Variants in AP2A2 observed in about 807,000 individuals in gnomAD.
The protein encoded by AP2A2 is AP-2 complex subunit alpha-2.
In AP2A2, 32 loss-of-function variants were observed where a neutral mutation model predicts 104.2. The observed-to-expected ratio is 0.31, with a 90% confidence interval of 0.23 to 0.41. The LOEUF is 0.41. Ranked by LOEUF, AP2A2 falls within the 10% of genes least tolerant of loss-of-function variation. The probability of loss-of-function intolerance (pLI) is 1.00; values close to 1 mark genes in which losing one functional copy is unlikely to be tolerated. For synonymous variants in AP2A2, 539 were observed against 533.3 expected (o/e 1.01, Z -0.15); for missense variants, 912 against 1,261.0 (o/e 0.72, Z 4.19).
At chr11:945,576 G>T (rs150112591) in intron 1 of AP2A2, among the ~76,000 whole-genome samples, 2 of 152,018 alleles carry the variant, frequency 1.3e-5, no homozygotes, top group Admixed American at 6.6e-5. Context: ...CAGGTGATCC[G>T]CCCGCCTCGG....
intron 5 of AP2A2, among the ~76,000 whole-genome samples, chr11:977,889 G>T (rs1855104353): frequency 6.6e-6 from 1 of 152,140 alleles, no homozygotes; most frequent in Non-Finnish European, 1.5e-5. Context: ...CGTTCACAAG[G>T]ATCCAGGATA....
At chr11:950,949 G>C (rs1454101802) in intron 1 of AP2A2, among the ~76,000 whole-genome samples, 1 of 151,838 alleles carries the variant, frequency 6.6e-6, no homozygotes, top group Non-Finnish European at 1.5e-5. Flanking sequence ...AAAATTAACT[G>C]GGTGTGGTGG....
At chr11:976,822 G>A (rs1461633726) in intron 4 of AP2A2, among the ~76,000 whole-genome samples, 2 of 152,246 alleles carry the variant, frequency 1.3e-5, no homozygotes, top group Admixed American at 1.3e-4. Context: ...GAAAGCTATT[G>A]TTCAAACAAC....
chr11:999,803 C>CTTTTTTTT (rs71022992), intron 14 of AP2A2, among the ~76,000 whole-genome samples: 2 of 124,698 alleles, frequency 1.6e-5, no homozygotes, highest in Non-Finnish European at 3.4e-5. Context: ...TTAGTTCTTT[C>CTTTTTTTT]TTTTTTTTTT....
chr11:973,959 G>A (rs1854923375), intron 4 of AP2A2, among the ~76,000 whole-genome samples: 1 of 152,240 alleles, frequency 6.6e-6, no homozygotes, highest in African/African-American at 2.4e-5. Flanking sequence ...GCAAGACAGG[G>A]CCACCCCTGA....
intron 15 of AP2A2, among the ~76,000 whole-genome samples, chr11:1,002,219 G>A (rs142389748): frequency 6.6e-6 from 1 of 152,252 alleles, no homozygotes; most frequent in Admixed American, 6.5e-5. Context: ...CACACCCTGA[G>A]TGTAAACTCC....
At chr11:963,899 T>C (rs1854526752) in intron 2 of AP2A2, among the ~76,000 whole-genome samples, 1 of 152,212 alleles carries the variant, frequency 6.6e-6, no homozygotes, top group Non-Finnish European at 1.5e-5. Context: ...GTGCTGGGAT[T>C]ATAGGCATGA....
rs117612040 is a variant in AP2A2 at position 972,118 on chromosome 11, C to A, written c.336C>A (p.Ile112=). The A allele has an allele frequency of 2.9e-3, 4,636 of 1,613,770 alleles. 208 individuals carry two copies. The East Asian group carries it at 0.088, about 31-fold the overall frequency. The change falls in exon 4 of 22, where the codon ATC becomes ATA. Residue 112 remains isoleucine (I), a synonymous_variant. Transcript: ENST00000448903. Reference sequence around the variant, plus strand: ...CAAACAGTGAGCTGATCCGCCTGATCAACAACGCCATCAAGAATGACCTGG... The same window carrying A: ...CAAACAGTGAGCTGATCCGCCTGATAAACAACGCCATCAAGAATGACCTGG... ...VNSNSELIRL[I]NNAIKNDLAS... is the part of the protein sequence containing the mutation.
rs555499390 is a variant in AP2A2, at chr11:941,890, C to A, written c.67+15802C>A. On this transcript the variant is annotated intron_variant, in intron 1 of 21. Transcript: ENST00000448903. ...GCATGAACCACCATGCCCGGCCTCT[C>A]ATGCTTAAATGAAGTAGTAATACCT... 2.0e-5 allele frequency among the ~76,000 whole-genome samples: 3 copies of A among 151,596 alleles called. No homozygotes were observed. In the East Asian group the frequency reaches 5.8e-4, roughly 29 times the overall value.
At chr11:982,163 G>T (rs1855267287) in intron 6 of AP2A2, among the ~76,000 whole-genome samples, 1 of 152,192 alleles carries the variant, frequency 6.6e-6, no homozygotes, top group Admixed American at 6.5e-5. Context: ...GGATTCTCCT[G>T]CCTCAGCCTC....
chr11:940,254 G>A (rs904586630), intron 1 of AP2A2, among the ~76,000 whole-genome samples: 4 of 152,072 alleles, frequency 2.6e-5, no homozygotes, highest in African/African-American at 9.7e-5. Context: ...GCGCCGGCCC[G>A]TGTCTGAAAT....
In AP2A2 at chr11:993,662, A is replaced by AG; in HGVS notation, c.1551-87dup. The AG allele has an allele frequency of 2.0e-6, 2 of 981,878 alleles. No individual in the cohort carries two copies. 60.8% of individuals were successfully genotyped at this position (981,878 alleles called of 1,614,324 possible). Reference sequence around the variant, plus strand: ...CGACCAGCGGCCTCTGGTGCAGGCCAGGGGGTCTCGCCGCCGTCCCCCCCC... The same window carrying AG: ...CGACCAGCGGCCTCTGGTGCAGGCCAGGGGGGTCTCGCCGCCGTCCCCCCCC... On this transcript the variant is annotated intron_variant, in intron 12 of 21. Coordinates refer to ENST00000448903, the MANE Select transcript of AP2A2 (RefSeq NM_012305.4). This position sits in a 1 kb window ranked among gnomAD's most constrained non-coding sequence, Gnocchi z 8.2.
chr11:975,468 C>T (rs1425781614), intron 4 of AP2A2, among the ~76,000 whole-genome samples: 1 of 148,252 alleles, frequency 6.7e-6, no homozygotes. Context: ...CGGTCTCCCT[C>T]GTGTGAGCCG....
chr11:963,413 G>A (rs1854506370), intron 2 of AP2A2, among the ~76,000 whole-genome samples: 1 of 151,882 alleles, frequency 6.6e-6, no homozygotes. Flanking sequence ...GCGACAGAGT[G>A]AGACTCTGTC....
intron 2 of AP2A2, among the ~76,000 whole-genome samples, chr11:964,381 G>A (rs747486040): frequency 6.6e-5 from 10 of 152,204 alleles, no homozygotes; most frequent in South Asian, 2.1e-4. Context: ...GCTTCTCTGC[G>A]GGGCACCAGT....
chr11:994,866 A>G (rs1353267630), intron 14 of AP2A2, among the ~76,000 whole-genome samples: 4 of 85,340 alleles, frequency 4.7e-5, no homozygotes, highest in Admixed American at 1.2e-4. Context: ...CCTGCTGCAC[A>G]CCCTGCTGGC....
intron 1 of AP2A2, among the ~76,000 whole-genome samples, chr11:929,624 T>C (rs1398401903): frequency 6.6e-6 from 1 of 152,190 alleles, no homozygotes; most frequent in East Asian, 1.9e-4. Flanking sequence ...GAGACCCCTG[T>C]CTTTTCAAAA....
rs541538489 is a variant in AP2A2, at chr11:943,655, C to T, written c.68-15782C>T. On this transcript the variant is annotated intron_variant, in intron 1 of 21. Coordinates refer to ENST00000448903, the MANE Select transcript of AP2A2 (RefSeq NM_012305.4). The stretch of plus-strand genomic sequence containing the variant: ...CTGCGAAGAGTCCCAACTGGAGATG[C>T]AGGTGGCAGCGGAGATGGCGAGAAT... 2.6e-5 allele frequency among the ~76,000 whole-genome samples: 4 copies of T among 152,018 alleles called. No individual in the cohort carries two copies. In the South Asian group the frequency reaches 8.3e-4, roughly 32 times the overall value.
At chr11:995,819 T>C (rs926604898) in intron 14 of AP2A2, among the ~76,000 whole-genome samples, 17 of 33,854 alleles carry the variant, frequency 5.0e-4, no homozygotes, top group African/African-American at 2.0e-3. Flanking sequence ...GTGTTGTTTG[T>C]GGCACGCTGC....
Sources: gnomAD v4.1 joint callset for allele counts (sites outside exome capture counted in the v4.1 genomes callset) on GRCh38, gnomAD v4.1.1 for gene constraint, Gnocchi (gnomAD v3.1) non-coding constraint, MANE v1.5 for transcripts, NCBI Gene and HGNC (gene_info 2026-07-23, HGNC 2026-07-21) for gene names.